Variants in LSAMP observed in about 807,000 individuals in gnomAD.
LSAMP encodes limbic system associated membrane protein.
In LSAMP, 7 loss-of-function variants were observed where a neutral mutation model predicts 38.6. The observed-to-expected ratio is 0.18, with a 90% CI of 0.10 to 0.34. The LOEUF (loss-of-function observed/expected upper bound fraction) is 0.34, where lower values mean the gene tolerates loss of function less well. LSAMP is among the 10% of genes least tolerant of loss of function. LSAMP has a pLI of 1.00. For missense variants in LSAMP, 313 were observed against 420.0 expected (o/e 0.75, Z 2.23); for synonymous variants, 154 against 166.8 (o/e 0.92, Z 0.59).
At chr3:115,842,662 C>A (rs1298261933) in intron 4 of LSAMP, 84 bp from the exon 5 acceptor site, 9 of 1,547,114 alleles carry the variant, frequency 5.8e-6, no homozygotes, top group Non-Finnish European at 7.9e-6. Context: ...GAAGGACAAT[C>A]TGATTAGAGA....
intron 1 of LSAMP, among the ~76,000 whole-genome samples, chr3:116,190,322 G>A (rs750626356): frequency 2.8e-4 from 42 of 152,154 alleles, no homozygotes; most frequent in Non-Finnish European, 4.4e-4. Context: ...ATTAGACGCA[G>A]CCCAGAGATA....
intron 1 of LSAMP, among the ~76,000 whole-genome samples, chr3:116,210,553 G>A (rs1487808088): frequency 2.0e-5 from 3 of 152,140 alleles, no homozygotes; most frequent in Admixed American, 6.5e-5. Context: ...CTGCATCGTC[G>A]GCTTCCCTAC....
chr3:116,292,807 GTCC>G (rs2107695696), intron 1 of LSAMP, among the ~76,000 whole-genome samples: 1 of 152,262 alleles, frequency 6.6e-6, no homozygotes, highest in South Asian at 2.1e-4. Context: ...TTTCTTTGTT[GTCC>G]TGAAAGTGTT....
At chr3:115,852,346 T>C (rs928674851) in intron 4 of LSAMP, 137 bp downstream of exon 4, 3 of 968,978 alleles carry the variant, frequency 3.1e-6, no homozygotes, top group African/African-American at 3.3e-5. Flanking sequence ...ATGTGTTCAA[T>C]GTATAAATGT....
chr3:116,066,768 T>C (rs1028437997), intron 2 of LSAMP, among the ~76,000 whole-genome samples: 1 of 152,228 alleles, frequency 6.6e-6, no homozygotes, highest in Non-Finnish European at 1.5e-5. Context: ...TCCACCCTAA[T>C]AGATCTCTTC....
intron 3 of LSAMP, among the ~76,000 whole-genome samples, chr3:115,890,462 C>A (rs892270354): frequency 1.3e-5 from 2 of 151,856 alleles, no homozygotes; most frequent in African/African-American, 2.4e-5. Flanking sequence ...TCTTACAGAC[C>A]ACATTACTAG....
At chr3:116,333,741 C>T (rs1315371888) in intron 1 of LSAMP, among the ~76,000 whole-genome samples, 1 of 151,558 alleles carries the variant, frequency 6.6e-6, no homozygotes, top group Non-Finnish European at 1.5e-5. Context: ...TACAATACAT[C>T]AAAACATATG....
At chr3:116,242,481 G>T (rs2046549856) in intron 1 of LSAMP, among the ~76,000 whole-genome samples, 1 of 152,126 alleles carries the variant, frequency 6.6e-6, no homozygotes, top group Admixed American at 6.5e-5. Context: ...CATCCCAAGT[G>T]GGCATGTTTG....
intron 1 of LSAMP, among the ~76,000 whole-genome samples, chr3:116,380,539 A>T (rs538252499): frequency 4.1e-4 from 62 of 152,086 alleles, no homozygotes; most frequent in African/African-American, 1.4e-3. Flanking sequence ...TGCCACTGGT[A>T]CTTTCCTGAG....
intron 1 of LSAMP, among the ~76,000 whole-genome samples, chr3:116,382,360 T>A (rs1305793349): frequency 2.0e-5 from 3 of 151,960 alleles, no homozygotes; most frequent in Non-Finnish European, 4.4e-5. Context: ...TGTAAGGACA[T>A]GGATGAAGCT....
chr3:116,025,012 G>A (rs1278360718), intron 2 of LSAMP, among the ~76,000 whole-genome samples: 3 of 151,760 alleles, frequency 2.0e-5, no homozygotes, highest in African/African-American at 7.3e-5. Flanking sequence ...TAATTCTCAG[G>A]AGAAATGACT....
chr3:116,415,927 T>C (rs541575055), intron 1 of LSAMP, among the ~76,000 whole-genome samples: 3 of 152,220 alleles, frequency 2.0e-5, no homozygotes, highest in African/African-American at 7.2e-5. Flanking sequence ...CTCCATAAAT[T>C]GTATACATTT....
At chr3:116,433,227 TA>T (rs1348542324) in intron 1 of LSAMP, among the ~76,000 whole-genome samples, 13 of 152,188 alleles carry the variant, frequency 8.5e-5, no homozygotes, top group Admixed American at 3.3e-4. Flanking sequence ...TGCATCACTT[TA>T]TTTTTTTAAT....
intron 3 of LSAMP, among the ~76,000 whole-genome samples, chr3:115,905,392 G>GA (rs561768308): frequency 4.6e-5 from 7 of 151,652 alleles, no homozygotes; most frequent in East Asian, 1.9e-4. Flanking sequence ...ATGGCATCCT[G>GA]AAAAAAAATC....
chr3:116,351,748 T>C, intron 1 of LSAMP, among the ~76,000 whole-genome samples: 1 of 152,118 alleles, frequency 6.6e-6, no homozygotes, highest in East Asian at 1.9e-4. Context: ...TGCTATCCAG[T>C]ATCATTCCCT....
chr3:115,910,986 A>G (rs937743869), intron 3 of LSAMP, among the ~76,000 whole-genome samples: 1 of 152,216 alleles, frequency 6.6e-6, no homozygotes, highest in Non-Finnish European at 1.5e-5. Flanking sequence ...CCCAACACTT[A>G]GGAATTATAA....
At chr3:116,412,406 A>G (rs979623377) in intron 1 of LSAMP, among the ~76,000 whole-genome samples, 7 of 152,090 alleles carry the variant, frequency 4.6e-5, no homozygotes, top group African/African-American at 1.4e-4. Context: ...TTATAAAAAC[A>G]TGCTTTACTC....
intron 3 of LSAMP, among the ~76,000 whole-genome samples, chr3:115,937,160 T>C (rs910670139): frequency 6.6e-6 from 1 of 152,172 alleles, no homozygotes; most frequent in Non-Finnish European, 1.5e-5. Flanking sequence ...TCCAACTATC[T>C]ACTTTTTATG....
chr3:115,997,871 ACAATATACATTAT>A, intron 3 of LSAMP, among the ~76,000 whole-genome samples: 1 of 145,510 alleles, frequency 6.9e-6, no homozygotes, highest in Admixed American at 6.9e-5. Flanking sequence ...ATTAGAATAT[ACAATATACATTAT>A]TATATATTCT....
Sources: gnomAD v4.1 joint callset for allele counts (sites outside exome capture counted in the v4.1 genomes callset) on GRCh38, gnomAD v4.1.1 for gene constraint, MANE v1.5 for transcripts, NCBI Gene and HGNC (gene_info 2026-07-23, HGNC 2026-07-21) for gene names.